The following METTL15 variants were observed in gnomAD, a reference collection of about 807,000 sequenced individuals.
METTL15 encodes the protein 12S rRNA N(4)-cytidine methyltransferase METTL15.
A neutral mutation model predicts 38.3 loss-of-function variants in METTL15; 34 were observed. That is an observed-to-expected ratio of 0.89 (90% CI 0.68 to 1.18). The LOEUF is 1.18. Among genes scored for constraint, METTL15 ranks in the 50% most tolerant of loss-of-function variants. METTL15 has a pLI of 0.00. For synonymous variants in METTL15, 162 were observed against 170.9 expected (o/e 0.95, Z 0.41); for missense variants, 438 against 498.4 (o/e 0.88, Z 1.15).
At position 28,387,039 on chromosome 11, in the gene METTL15, T is replaced by C. The variant is rs912005594; in HGVS notation, c.*358+25003T>C. The stretch of plus-strand genomic sequence containing the variant: ...TTAAAACATAGCATACTAAAACTTA[T>C]AGGATCCAGCAAATGCAGTACTAAG... On this transcript the variant is annotated intron_variant and NMD_transcript_variant, in intron 5 of 7. Coordinates refer to the METTL15 transcript ENST00000532947. Among the ~76,000 whole-genome samples, 5 of 152,004 alleles carry C rather than the reference T, an allele frequency of 3.3e-5. No individual in the cohort carries two copies. The East Asian group carries it at 5.8e-4, about 18-fold the overall frequency.
rs1426157328 is a variant in METTL15 at position 28,127,540 on chromosome 11, C to T, written c.270+13936C>T. On this transcript the variant is annotated intron_variant, in intron 3 of 6. Transcript: ENST00000407364. The stretch of plus-strand genomic sequence containing the variant: ...ATACTTTCAATACTTGGGCTATTTT[C>T]TTAATATTTATTCTTAACTTTTTCC... Among the ~76,000 whole-genome samples, 3 of 152,154 alleles carry T rather than the reference C, an allele frequency of 2.0e-5. No individual in the cohort carries two copies. The East Asian group carries it at 5.8e-4, about 29-fold the overall frequency.
chr11:28,139,612 T>C (rs1488120161), intron 3 of METTL15, among the ~76,000 whole-genome samples: 2 of 152,116 alleles, frequency 1.3e-5, no homozygotes, highest in Non-Finnish European at 2.9e-5. Context: ...ATGACCTCTA[T>C]CCATGAAATG....
chr11:28,248,854 C>CAA (rs557167679), intron 4 of METTL15, among the ~76,000 whole-genome samples: 7 of 151,904 alleles, frequency 4.6e-5, no homozygotes, highest in African/African-American at 1.7e-4. Context: ...ACTTATCTTC[C>CAA]AACATGCCAC....
chr11:28,494,673 C>T (rs140344180), intron 6 of METTL15, among the ~76,000 whole-genome samples: 19 of 152,244 alleles, frequency 1.2e-4, no homozygotes, highest in African/African-American at 3.1e-4. Flanking sequence ...AATTGTATCA[C>T]GGGGGTGGGT....
At chr11:28,122,174 C>A in intron 3 of METTL15, 1 of 1,234,876 alleles carries the variant, frequency 8.1e-7, no homozygotes, top group Non-Finnish European at 1.0e-6. Context: ...GAATATGAAT[C>A]CTACAGGTAA....
downstream of METTL15, among the ~76,000 whole-genome samples, chr11:28,333,853 A>C (rs1849875529): frequency 6.6e-6 from 1 of 151,820 alleles, no homozygotes; most frequent in Non-Finnish European, 1.5e-5. Context: ...TTTTAAATGA[A>C]CTAATATTTC....
At chr11:28,386,845 ACTCATGCC>A (rs1383781439) in intron 5 of METTL15, among the ~76,000 whole-genome samples, 3 of 152,016 alleles carry the variant, frequency 2.0e-5, no homozygotes, top group Non-Finnish European at 4.4e-5. Flanking sequence ...ACAAGATTGA[ACTCATGCC>A]AAATATCTTT....
At chr11:28,374,724 G>C (rs1850286358) in intron 5 of METTL15, among the ~76,000 whole-genome samples, 2 of 151,430 alleles carry the variant, frequency 1.3e-5, no homozygotes, top group East Asian at 3.9e-4. Context: ...TGGTGAGAGA[G>C]GGCATCCCTG....
intron 4 of METTL15, among the ~76,000 whole-genome samples, chr11:28,358,728 T>C (rs1215137641): frequency 1.3e-5 from 2 of 152,192 alleles, no homozygotes; most frequent in South Asian, 2.1e-4. Context: ...CTTTTGTCTC[T>C]CCAAAACCTA....
chr11:28,428,311 A>G (rs758034445), intron 6 of METTL15, among the ~76,000 whole-genome samples: 9 of 152,236 alleles, frequency 5.9e-5, no homozygotes, highest in Non-Finnish European at 1.2e-4. Context: ...ATAGGTAGAC[A>G]TAGAAAAGGT....
intron 6 of METTL15, among the ~76,000 whole-genome samples, chr11:28,320,529 C>G (rs1191383078): frequency 6.6e-6 from 1 of 152,032 alleles, no homozygotes; most frequent in Non-Finnish European, 1.5e-5. Context: ...CATTGCACTT[C>G]AGCTTGGGTG....
At chr11:28,421,612 A>G (rs970529235) in intron 5 of METTL15, among the ~76,000 whole-genome samples, 8 of 152,080 alleles carry the variant, frequency 5.3e-5, no homozygotes, top group African/African-American at 1.9e-4. Flanking sequence ...CAAAATCCAT[A>G]TGATCATTTC....
chr11:28,315,589 A>G (rs1407842692), intron 6 of METTL15, among the ~76,000 whole-genome samples: 1 of 152,232 alleles, frequency 6.6e-6, no homozygotes, highest in Non-Finnish European at 1.5e-5. Flanking sequence ...AGAAATTTGC[A>G]TAAGTAAGGA....
chr11:28,353,137 GCT>G (rs931968657), intron 4 of METTL15, among the ~76,000 whole-genome samples: 7 of 152,156 alleles, frequency 4.6e-5, no homozygotes, highest in Non-Finnish European at 1.0e-4. Flanking sequence ...GATTACTGCA[GCT>G]CTTCAGAGTA....
chr11:28,163,706 T>A lies in METTL15; in HGVS notation c.271-47356T>A, dbSNP rs181683770. ...CCTGAGAACTTAATATACTTTTTTTTAAATATCTTTAACTAAAATTTAGTG... is the reference window on the plus strand; with the variant it reads ...CCTGAGAACTTAATATACTTTTTTTAAAATATCTTTAACTAAAATTTAGTG... On this transcript the variant is annotated intron_variant, in intron 3 of 6. Coordinates refer to ENST00000407364, the MANE Select transcript of METTL15 (RefSeq NM_001113528.2). 3.9e-3 allele frequency: 1,372 copies of A among 349,142 alleles called. 2 individuals carry two copies. The highest frequency in any genetic ancestry group is 5.7e-3 in the Non-Finnish European group (1,119 of 195,972). The allele number at this position is 349,142 out of a possible 1,614,324, so 21.6% of individuals were successfully genotyped here.
intron 5 of METTL15, among the ~76,000 whole-genome samples, chr11:28,404,094 G>C (rs1253963306): frequency 2.0e-5 from 3 of 151,590 alleles, no homozygotes; most frequent in Non-Finnish European, 4.4e-5. Flanking sequence ...AAGGTCTACA[G>C]GAAAAAACTA....
At chr11:28,115,940 A>ACACT (rs1554978326) in intron 3 of METTL15, among the ~76,000 whole-genome samples, 3 of 149,576 alleles carry the variant, frequency 2.0e-5, no homozygotes, top group African/African-American at 7.4e-5. Flanking sequence ...ACACATACAC[A>ACACT]CACACACACA....
intron 4 of METTL15, among the ~76,000 whole-genome samples, chr11:28,220,746 G>C (rs1241153420): frequency 6.6e-6 from 1 of 152,120 alleles, no homozygotes; most frequent in Non-Finnish European, 1.5e-5. Flanking sequence ...AGCTCTTGTA[G>C]GGCAGGGCTG....
chr11:28,530,458 C>T (rs1313245333), downstream of METTL15, among the ~76,000 whole-genome samples: 4 of 152,030 alleles, frequency 2.6e-5, no homozygotes, highest in Non-Finnish European at 5.9e-5. Context: ...ATTTAAATTA[C>T]CAAATTGGCA....
Sources: gnomAD v4.1 joint callset for allele counts (sites outside exome capture counted in the v4.1 genomes callset) on GRCh38, gnomAD v4.1.1 for gene constraint, MANE v1.5 for transcripts, NCBI Gene and HGNC (gene_info 2026-07-23, HGNC 2026-07-21) for gene names.